Variants in NSUN6 observed in about 807,000 individuals in gnomAD.
NSUN6 encodes tRNA (cytosine(72)-C(5))-methyltransferase NSUN6.
NSUN6 carries 64 observed loss-of-function variants against 58.0 expected under a neutral mutation model. The ratio of observed to expected loss-of-function variants is 1.10; its 90% CI spans 0.90 to 1.36. The LOEUF is 1.36. NSUN6 is among the 40% of genes most tolerant of loss of function. The probability of loss-of-function intolerance (pLI) is 0.00; values close to 1 mark genes in which losing one functional copy is unlikely to be tolerated. For synonymous variants in NSUN6, 231 were observed against 193.9 expected (o/e 1.19, Z -1.59); for missense variants, 701 against 550.1 (o/e 1.27, Z -2.74).
At chr10:18,652,112 G>GTAAAACT (rs1459680780), upstream of NSUN6, 1 of 985,032 alleles carries the variant, frequency 1.0e-6, no homozygotes. Flanking sequence ...CAATGCTCAG[G>GTAAAACT]TAAAACTTAA....
At chr10:18,579,098 A>C (rs1387560473) in intron 8 of NSUN6, among the ~76,000 whole-genome samples, 1 of 152,242 alleles carries the variant, frequency 6.6e-6, no homozygotes, top group Non-Finnish European at 1.5e-5. Context: ...AGTTTCTTTT[A>C]TTCAAAATTA....
chr10:18,614,454 A>T lies in NSUN6; in HGVS notation c.575+6T>A, dbSNP rs577202830. On this transcript the variant is annotated splice_donor_region_variant and intron_variant, in intron 5 of 10. Transcript: ENST00000377304. ...GCTGATTTCCCCAAAGCACCTGATGACATACTTCAGTTCAGGTAATCCACT... is the reference window on the plus strand; with the variant it reads ...GCTGATTTCCCCAAAGCACCTGATGTCATACTTCAGTTCAGGTAATCCACT... 59 of 1,484,772 alleles carry T rather than the reference A, an allele frequency of 4.0e-5. No individual in the cohort carries two copies. In the South Asian group the frequency reaches 8.1e-4, roughly 20 times the overall value. The allele number at this position is 1,484,772 out of a possible 1,614,324, so 92.0% of individuals were successfully genotyped here.
intron 8 of NSUN6, among the ~76,000 whole-genome samples, chr10:18,564,728 A>C (rs1426592830): frequency 1.4e-5 from 2 of 141,798 alleles, no homozygotes; most frequent in East Asian, 4.3e-4. Flanking sequence ...TCTCCTTTCC[A>C]TTCCCTTCCA....
chr10:18,579,714 C>T lies in NSUN6; in HGVS notation c.922+6235G>A, dbSNP rs116289554. On this transcript the variant is annotated intron_variant, in intron 8 of 10. Transcript: ENST00000377304. The stretch of plus-strand genomic sequence containing the variant: ...ATGTGTAAAATGTACACTGGTTCTC[C>T]GGTAAGGTGGAAGTGGGGCTTCCAG... Among the ~76,000 whole-genome samples, 1,001 of 152,168 alleles carry T rather than the reference C, an allele frequency of 6.6e-3. 17 individuals carry two copies. The highest frequency in any genetic ancestry group is 0.023 in the African/African-American group (970 of 41,506).
At chr10:18,601,838 A>G (rs1046795370) in intron 6 of NSUN6, among the ~76,000 whole-genome samples, 2 of 151,636 alleles carry the variant, frequency 1.3e-5, no homozygotes, top group African/African-American at 4.8e-5. Flanking sequence ...TTAGCTGGGC[A>G]TGGTGGTGGG....
chr10:18,611,725 T>G (rs1438233264), intron 5 of NSUN6, among the ~76,000 whole-genome samples: 4 of 40,178 alleles, frequency 1.0e-4, no homozygotes, highest in Non-Finnish European at 2.1e-4. Context: ...CTCACTATGG[T>G]GTGTGTGTGT....
At chr10:18,622,649 C>T (rs1373260057) in intron 3 of NSUN6, among the ~76,000 whole-genome samples, 1 of 152,176 alleles carries the variant, frequency 6.6e-6, no homozygotes, top group Admixed American at 6.5e-5. Context: ...GTGGAAGTTG[C>T]AGTGAGCAGA....
intron 3 of NSUN6, among the ~76,000 whole-genome samples, chr10:18,619,309 C>A (rs553947353): frequency 6.6e-6 from 1 of 152,178 alleles, no homozygotes; most frequent in African/African-American, 2.4e-5. Context: ...ACCTTTATGA[C>A]GGAGGGAACT....
chr10:18,603,452 A>G (rs912538972), intron 6 of NSUN6, among the ~76,000 whole-genome samples: 2 of 151,350 alleles, frequency 1.3e-5, no homozygotes, highest in Admixed American at 1.3e-4. Flanking sequence ...AACTATATGC[A>G]CGCTCTTTTT....
At chr10:18,639,692 C>A (rs2059334775) in intron 3 of NSUN6, among the ~76,000 whole-genome samples, 1 of 151,936 alleles carries the variant, frequency 6.6e-6, no homozygotes, top group African/African-American at 2.4e-5. Context: ...TAGATCACTA[C>A]AAAGAACAGA....
chr10:18,610,766 C>G, intron 5 of NSUN6, among the ~76,000 whole-genome samples: 1 of 152,156 alleles, frequency 6.6e-6, no homozygotes. Flanking sequence ...CACGCAAATC[C>G]TGTCAGACAA....
intron 8 of NSUN6, among the ~76,000 whole-genome samples, chr10:18,570,575 G>A (rs1372934586): frequency 2.9e-5 from 3 of 104,638 alleles, no homozygotes; most frequent in Admixed American, 1.0e-4. Context: ...CCAATCCAGT[G>A]TCCATTCCAT....
chr10:18,553,509 C>CGGAGAAAGGAATGGAGT (rs2054756243), intron 8 of NSUN6, among the ~76,000 whole-genome samples: 1 of 110,098 alleles, frequency 9.1e-6, no homozygotes, highest in Non-Finnish European at 1.9e-5. Context: ...TGGAATGGAG[C>CGGAGAAAGGAATGGAGT]GGAGAAAGGA....
At chr10:18,554,403 G>A (rs11014857) in intron 8 of NSUN6, among the ~76,000 whole-genome samples, 2 of 151,158 alleles carry the variant, frequency 1.3e-5, no homozygotes, top group African/African-American at 4.9e-5. Flanking sequence ...ATGAAATGGA[G>A]AATGGAATAG....
intron 5 of NSUN6, among the ~76,000 whole-genome samples, chr10:18,611,796 C>A (rs190642071): frequency 6.6e-6 from 1 of 152,038 alleles, no homozygotes; most frequent in East Asian, 1.9e-4. Context: ...GCATCAAACA[C>A]CTAGACTCAA....
At chr10:18,639,116 A>G (rs1210620297) in intron 3 of NSUN6, among the ~76,000 whole-genome samples, 1 of 152,072 alleles carries the variant, frequency 6.6e-6, no homozygotes, top group Non-Finnish European at 1.5e-5. Context: ...AAAAACAACA[A>G]CAGTAAATAC....
chr10:18,646,452 C>A (rs376983864), intron 2 of NSUN6, among the ~76,000 whole-genome samples: 2 of 152,082 alleles, frequency 1.3e-5, no homozygotes, highest in East Asian at 1.9e-4. Context: ...AAGAAAGGGA[C>A]CCAAAGTCCA....
intron 7 of NSUN6, among the ~76,000 whole-genome samples, chr10:18,595,993 T>C (rs766325066): frequency 6.6e-6 from 1 of 152,234 alleles, no homozygotes; most frequent in African/African-American, 2.4e-5. Context: ...TATAATCATA[T>C]AAGCAAATTG....
intron 6 of NSUN6, among the ~76,000 whole-genome samples, chr10:18,609,186 C>T (rs1590051895): frequency 6.6e-6 from 1 of 152,230 alleles, no homozygotes; most frequent in Non-Finnish European, 1.5e-5. Flanking sequence ...TAGTGCACAC[C>T]TGTGGTCCCA....
Sources: allele counts gnomAD v4.1 joint callset (sites outside exome capture counted in the v4.1 genomes callset), GRCh38; gene constraint gnomAD v4.1.1; transcripts MANE v1.5; gene names NCBI Gene and HGNC (gene_info 2026-07-23, HGNC 2026-07-21).